RABGEF1: variants seen among roughly 807,000 people sequenced by gnomAD.
RABGEF1 encodes the protein rab5 GDP/GTP exchange factor.
Under a neutral mutation model 57.3 loss-of-function variants are expected in RABGEF1, and 26 were observed. The observed-to-expected ratio is 0.45, with a 90% CI of 0.33 to 0.63. The LOEUF (loss-of-function observed/expected upper bound fraction) is 0.63. RABGEF1 is among the 20% of genes least tolerant of loss of function. The pLI, the probability that RABGEF1 is intolerant of heterozygous loss-of-function variation, is 0.02. For missense variants in RABGEF1, 464 were observed against 607.6 expected, an observed-to-expected ratio of 0.76 and a Z score of 2.48; for synonymous variants, 185 against 210.7, an observed-to-expected ratio of 0.88 and a Z score of 1.06.
Position 66,775,374 on chromosome 7 carries a change from C to A in RABGEF1, c.327C>A (p.Ser109=). Reference sequence around the variant, plus strand: ...TGAAGAAATTCTTCAGTGCATCTTCCAGGGTCGGATCAAAGAAGGGTAATG... The same window carrying A: ...TGAAGAAATTCTTCAGTGCATCTTCAAGGGTCGGATCAAAGAAGGGTAATG... ...TTVKKFFSAS[S]RVGSKKEIQE... is the part of the protein sequence containing the mutation. Residue 109 remains serine (S), a synonymous_variant, in exon 3 of 9, where the codon TCC becomes TCA. Coordinates refer to ENST00000284957, the MANE Select transcript of RABGEF1 (RefSeq NM_014504.3). 1 of 1,613,854 alleles carries A rather than the reference C, an allele frequency of 6.2e-7. No individual in the cohort carries two copies. The highest frequency in any genetic ancestry group is 1.3e-5 in the African/African-American group (1 of 75,032).
intron 1 of RABGEF1, among the ~76,000 whole-genome samples, chr7:66,686,903 G>T (rs575810664): frequency 1.3e-5 from 2 of 150,888 alleles, no homozygotes; most frequent in Non-Finnish European, 3.0e-5. Flanking sequence ...CTCACTGCAA[G>T]CTCCGCCTCC....
chr7:66,711,656 G>A (rs551038221), intron 1 of RABGEF1, among the ~76,000 whole-genome samples: 4 of 151,368 alleles, frequency 2.6e-5, no homozygotes, highest in South Asian at 2.1e-4. Context: ...GCACAATCTC[G>A]GCTCGCTGCA....
chr7:66,741,218 G>A (rs1168356525), intron 1 of RABGEF1, among the ~76,000 whole-genome samples: 1 of 152,190 alleles, frequency 6.6e-6, no homozygotes, highest in East Asian at 1.9e-4. Flanking sequence ...CCCGGAAAGC[G>A]CTGGTATGGG....
upstream of RABGEF1, among the ~76,000 whole-genome samples, chr7:66,737,167 C>T (rs567460568): frequency 2.6e-5 from 4 of 151,402 alleles, no homozygotes; most frequent in African/African-American, 4.9e-5. Context: ...TGGCTTTAGG[C>T]AATCCTCCCA....
chr7:66,663,386 A>G, the RABGEF1 span, among the ~76,000 whole-genome samples: 15 of 152,092 alleles, frequency 9.9e-5, no homozygotes, highest in African/African-American at 1.7e-4. Context: ...GGTCTCCCCA[A>G]CCATGCTGGT....
chr7:66,671,013 C>CTA, the RABGEF1 span, among the ~76,000 whole-genome samples: 1 of 151,002 alleles, frequency 6.6e-6, no homozygotes, highest in African/African-American at 2.4e-5. Flanking sequence ...ATATCTATAT[C>CTA]TATATTTATA....
At chr7:66,792,272 C>T (rs762129027) in intron 4 of RABGEF1, among the ~76,000 whole-genome samples, 8 of 152,128 alleles carry the variant, frequency 5.3e-5, no homozygotes, top group Non-Finnish European at 1.2e-4. Flanking sequence ...CCAACACAAA[C>T]CTGCCCTCAC....
intron 3 of RABGEF1, among the ~76,000 whole-genome samples, chr7:66,776,478 A>T (rs1808577604): frequency 6.6e-6 from 1 of 152,186 alleles, no homozygotes; most frequent in South Asian, 2.1e-4. Context: ...GGATTACCTG[A>T]GCTCAGGAGT....
At chr7:66,664,501 G>T in the RABGEF1 span, among the ~76,000 whole-genome samples, 1 of 151,988 alleles carries the variant, frequency 6.6e-6, no homozygotes. Context: ...GCTGAGGTGG[G>T]AGGATTAGCC....
intron 1 of RABGEF1, among the ~76,000 whole-genome samples, chr7:66,684,590 G>A (rs1790311931): frequency 6.6e-6 from 1 of 152,266 alleles, no homozygotes; most frequent in East Asian, 1.9e-4. Context: ...AAGTAGCTGG[G>A]AACACAGGCT....
chr7:66,685,962 G>A (rs1790560899), intron 1 of RABGEF1, among the ~76,000 whole-genome samples: 1 of 152,030 alleles, frequency 6.6e-6, no homozygotes, highest in Non-Finnish European at 1.5e-5. Context: ...GTACCAAGTG[G>A]CTTCTTAGCC....
intron 4 of RABGEF1, among the ~76,000 whole-genome samples, chr7:66,789,134 T>C (rs10499785): frequency 0.039 from 5,997 of 152,288 alleles, 163 homozygotes; most frequent in East Asian, 0.085. Flanking sequence ...AATGACTCTA[T>C]TGTTGTAAAC....
At chr7:66,664,955 C>T in the RABGEF1 span, among the ~76,000 whole-genome samples, 3 of 152,238 alleles carry the variant, frequency 2.0e-5, no homozygotes, top group Non-Finnish European at 4.4e-5. Flanking sequence ...GTGGCCCCCA[C>T]GGCAGGTGGC....
chr7:66,658,046 A>G, the RABGEF1 span, among the ~76,000 whole-genome samples: 10 of 152,194 alleles, frequency 6.6e-5, no homozygotes, highest in African/African-American at 2.4e-4. Context: ...TAGATTGACT[A>G]AGAAACACAA....
intron 4 of RABGEF1, among the ~76,000 whole-genome samples, chr7:66,789,405 G>A (rs1261712106): frequency 2.6e-5 from 4 of 152,126 alleles, no homozygotes; most frequent in East Asian, 3.8e-4. Context: ...ATTTGAGGCC[G>A]GGTGCGGTGG....
the RABGEF1 span, among the ~76,000 whole-genome samples, chr7:66,656,900 AT>A: frequency 1.3e-5 from 2 of 152,198 alleles, no homozygotes; most frequent in Middle Eastern, 3.4e-3. Flanking sequence ...TAAGCCAAGA[AT>A]GGTTATGAGA....
intron 2 of RABGEF1, among the ~76,000 whole-genome samples, chr7:66,731,486 G>A (rs568238618): frequency 1.1e-3 from 170 of 152,208 alleles, no homozygotes; most frequent in African/African-American, 3.6e-3. Flanking sequence ...GGAGGCCACC[G>A]CAGGTGGATC....
chr7:66,671,168 T>C, the RABGEF1 span, among the ~76,000 whole-genome samples: 1 of 152,104 alleles, frequency 6.6e-6, no homozygotes, highest in Non-Finnish European at 1.5e-5. Context: ...TTTTTTGTTT[T>C]TTCGGGGGCT....
chr7:66,741,215 AG>A (rs1329504673), intron 1 of RABGEF1, among the ~76,000 whole-genome samples: 3 of 152,150 alleles, frequency 2.0e-5, no homozygotes, highest in Admixed American at 6.5e-5. Context: ...CTCCCCGGAA[AG>A]CGCTGGTATG....
Sources: allele counts gnomAD v4.1 joint callset (sites outside exome capture counted in the v4.1 genomes callset), GRCh38; gene constraint gnomAD v4.1.1; transcripts MANE v1.5; gene names NCBI Gene and HGNC (gene_info 2026-07-23, HGNC 2026-07-21).